The following CCDC73 variants were observed in gnomAD, a reference collection of about 807,000 sequenced individuals.
CCDC73 encodes coiled-coil domain-containing protein 73.
In CCDC73, 95 loss-of-function variants were observed where a neutral mutation model predicts 116.5. The ratio of observed to expected loss-of-function variants is 0.82; its 90% CI spans 0.69 to 0.97. CCDC73 has a LOEUF of 0.97. Ranked by LOEUF, CCDC73 falls within the 50% of genes least tolerant of loss-of-function variation. The probability of loss-of-function intolerance (pLI) is 0.00; values close to 1 mark genes in which losing one functional copy is unlikely to be tolerated. For synonymous variants in CCDC73, 398 were observed against 401.3 expected (o/e 0.99, Z 0.10); for missense variants, 1,066 against 1,206.8 (o/e 0.88, Z 1.73).
chr11:32,815,930 A>G, the CCDC73 span, among the ~76,000 whole-genome samples: 2 of 152,186 alleles, frequency 1.3e-5, no homozygotes, highest in African/African-American at 2.4e-5. Context: ...GGAGTGGGGT[A>G]AGGAATGGGT....
chr11:32,738,017 A>C (rs1850150996), intron 2 of CCDC73, among the ~76,000 whole-genome samples: 1 of 152,206 alleles, frequency 6.6e-6, no homozygotes, highest in African/African-American at 2.4e-5. Context: ...TGTTGCAAGT[A>C]ATAAGATCTC....
At chr11:32,767,385 C>T (rs1350925533) in intron 1 of CCDC73, among the ~76,000 whole-genome samples, 1 of 152,182 alleles carries the variant, frequency 6.6e-6, no homozygotes, top group Non-Finnish European at 1.5e-5. Flanking sequence ...AAAGCCTAGG[C>T]AATACCATTC....
chr11:32,786,469 TAATA>T (rs935142760), intron 1 of CCDC73, among the ~76,000 whole-genome samples: 2 of 142,278 alleles, frequency 1.4e-5, no homozygotes, highest in African/African-American at 2.6e-5. Context: ...TTATAATATA[TAATA>T]AATATATTAT....
chr11:32,671,761 C>A (rs1159278934), intron 9 of CCDC73, among the ~76,000 whole-genome samples: 3 of 152,068 alleles, frequency 2.0e-5, no homozygotes, highest in Non-Finnish European at 4.4e-5. Flanking sequence ...CTCACTTTAC[C>A]CTTCTATAAC....
chr11:32,655,065 CTATAAT>C (rs1855859135), intron 9 of CCDC73, 93 bp from the exon 10 acceptor site: 3 of 285,518 alleles, frequency 1.1e-5, no homozygotes, highest in African/African-American at 1.5e-4. Context: ...ATCCTTAAGC[CTATAAT>C]TATAATTTGT....
intron 12 of CCDC73, among the ~76,000 whole-genome samples, chr11:32,648,729 T>C (rs1855801124): frequency 6.6e-6 from 1 of 152,154 alleles, no homozygotes; most frequent in Non-Finnish European, 1.5e-5. Context: ...TTTTGTATTT[T>C]TAGTAGAGGT....
In CCDC73 at chr11:32,613,837, G is replaced by A. The variant is rs1265369418; in HGVS notation, c.2481C>T (p.Phe827=). 2 of 1,613,614 alleles carry A rather than the reference G, an allele frequency of 1.2e-6. No individual in the cohort carries two copies. The highest frequency in any genetic ancestry group is 2.7e-5 in the African/African-American group (2 of 75,014). ...GTCTTTCATTAATGCTCACAAAAAGGAAGAGGTCATTTTTTGTGGCTTCAG... is the reference window on the plus strand; with the variant it reads ...GTCTTTCATTAATGCTCACAAAAAGAAAGAGGTCATTTTTTGTGGCTTCAG... ...QVTEATKNDL[F]LFVSINERQH... The change falls in exon 16 of 18, where the codon TTC becomes TTT. Residue 827 remains phenylalanine, a synonymous_variant. Transcript: ENST00000335185.
chr11:32,635,465 T>C (rs201853), intron 14 of CCDC73, among the ~76,000 whole-genome samples: 37,375 of 152,038 alleles, frequency 0.25, 4,737 homozygotes, highest in Middle Eastern at 0.28. Context: ...GAGAAAATAG[T>C]GTTTTCGACA....
chr11:32,762,689 C>T (rs574290277), intron 1 of CCDC73, among the ~76,000 whole-genome samples: 10 of 152,228 alleles, frequency 6.6e-5, no homozygotes, highest in South Asian at 2.1e-4. Flanking sequence ...GCATGAGCGA[C>T]GCAGAAAACG....
rs754315705 is a variant in CCDC73 at position 32,635,790 on chromosome 11, T to G, written c.1091A>C (p.Glu364Ala). The change falls in exon 14 of 18, where the codon GAA becomes GCA. Residue 364 changes from glutamate to alanine, a missense_variant. Physicochemically the swap from Glu to Ala is moderately radical, Grantham distance 107. Coordinates refer to ENST00000335185, the MANE Select transcript of CCDC73 (RefSeq NM_001008391.4). ...LNGEINKIKN[E>A]LSSLKETHIK... ...ATGAGTTTCTTTAAGGGATGATAAT[T>G]CATTTTTAATCTTATTAATTTCTCC... is the stretch of plus-strand genomic sequence containing the variant. The G allele has an allele frequency of 1.6e-6, 2 of 1,235,392 alleles. No individual in the cohort carries two copies. The highest frequency in any genetic ancestry group is 2.1e-6 in the Non-Finnish European group (2 of 957,682). 76.5% of individuals were successfully genotyped at this position (1,235,392 alleles called of 1,614,324 possible).
chr11:32,623,361 T>A (rs1855540173), intron 14 of CCDC73, among the ~76,000 whole-genome samples: 1 of 152,078 alleles, frequency 6.6e-6, no homozygotes, highest in South Asian at 2.1e-4. Flanking sequence ...TGTTTTTGTT[T>A]GTTTATTTGT....
chr11:32,813,062 T>C, the CCDC73 span, among the ~76,000 whole-genome samples: 4 of 152,180 alleles, frequency 2.6e-5, no homozygotes, highest in Non-Finnish European at 5.9e-5. Context: ...GTTGTTTGTC[T>C]TTTTTTATTG....
intron 2 of CCDC73, among the ~76,000 whole-genome samples, chr11:32,753,491 G>A (rs754659465): frequency 1.3e-5 from 2 of 151,086 alleles, no homozygotes; most frequent in Admixed American, 6.6e-5. Flanking sequence ...TTGAGACAGA[G>A]TCTCACTCTT....
At chr11:32,780,676 A>T (rs1850575804) in intron 1 of CCDC73, among the ~76,000 whole-genome samples, 1 of 152,250 alleles carries the variant, frequency 6.6e-6, no homozygotes, top group South Asian at 2.1e-4. Context: ...TAGCCACTTA[A>T]ATAATAACGG....
intron 3 of CCDC73, among the ~76,000 whole-genome samples, chr11:32,712,713 C>T (rs779796754): frequency 3.0e-4 from 45 of 151,808 alleles, no homozygotes; most frequent in Non-Finnish European, 4.7e-4. Context: ...TATAATCTTA[C>T]CTAAGCTTAC....
chr11:32,665,186 G>A (rs572275429), intron 9 of CCDC73, among the ~76,000 whole-genome samples: 2 of 152,326 alleles, frequency 1.3e-5, no homozygotes, highest in South Asian at 4.1e-4. Context: ...GCTTGGTGCA[G>A]AGCTGAGTTC....
chr11:32,693,723 A>T (rs1418962684), intron 6 of CCDC73, among the ~76,000 whole-genome samples: 2 of 152,244 alleles, frequency 1.3e-5, no homozygotes, highest in Non-Finnish European at 2.9e-5. Context: ...ACCACGAACA[A>T]GTCGGCTTCA....
intron 1 of CCDC73, among the ~76,000 whole-genome samples, chr11:32,793,095 T>C (rs1407874527): frequency 3.3e-5 from 5 of 152,208 alleles, no homozygotes; most frequent in Non-Finnish European, 7.3e-5. Context: ...AAATCTGTCA[T>C]TCGCTTCCTT....
intron 2 of CCDC73, chr11:32,758,437 G>T: frequency 8.3e-6 from 4 of 479,276 alleles, no homozygotes; most frequent in South Asian, 6.2e-5. Context: ...CAAGGAGTTT[G>T]TGCTGTGAGA....
Sources: allele counts gnomAD v4.1 joint callset (sites outside exome capture counted in the v4.1 genomes callset), GRCh38; gene constraint gnomAD v4.1.1; transcripts MANE v1.5; gene names NCBI Gene and HGNC (gene_info 2026-07-23, HGNC 2026-07-21).